Variants in CPOX observed in about 807,000 individuals in gnomAD.
The protein encoded by CPOX is coproporphyrinogen oxidase.
A neutral mutation model predicts 48.9 loss-of-function variants in CPOX; 24 were observed. The observed-to-expected ratio is 0.49, with a 90% CI of 0.36 to 0.69. The LOEUF is 0.69. CPOX is among the 30% of genes least tolerant of loss of function. CPOX has a pLI of 0.00. For missense variants in CPOX, 549 were observed against 597.3 expected (o/e 0.92, Z 0.84); for synonymous variants, 249 against 234.6 (o/e 1.06, Z -0.56).
rs1707219701 is a variant in CPOX at position 98,579,938 on chromosome 3, T to C, written c.*745A>G. The C allele has an allele frequency of 3.0e-6, 3 of 985,712 alleles. No individual in the cohort carries two copies. The South Asian group carries it at 1.4e-4, about 46-fold the overall frequency. 61.1% of individuals were successfully genotyped at this position (985,712 alleles called of 1,614,324 possible). A position where few individuals can be genotyped will look rare whatever the true frequency, so the allele number is the denominator to read the frequency against. ...AATAGAAAACTCTTAAGTATCAGAA[T>C]TCAGGGATATAAGCTTTCACATTCA... On this transcript the variant is annotated 3_prime_UTR_variant, in exon 7 of 7. Coordinates refer to ENST00000647941, the MANE Select transcript of CPOX (RefSeq NM_000097.7).
intron 4 of CPOX, among the ~76,000 whole-genome samples, chr3:98,587,544 G>C (rs984371664): frequency 6.7e-6 from 1 of 149,522 alleles, no homozygotes; most frequent in Admixed American, 6.7e-5. Context: ...TCACATGGTG[G>C]GGGGCTGAAC....
chr3:98,584,728 C>T (rs531893471), intron 5 of CPOX, among the ~76,000 whole-genome samples: 4 of 152,138 alleles, frequency 2.6e-5, no homozygotes, highest in African/African-American at 2.4e-5. Context: ...ACAAGTACAC[C>T]GTGGCTGGAG....
downstream of CPOX, among the ~76,000 whole-genome samples, chr3:98,577,541 C>T (rs1365843864): frequency 1.3e-5 from 2 of 152,148 alleles, no homozygotes; most frequent in Admixed American, 6.5e-5. Flanking sequence ...CAATCTATTT[C>T]GTGGTTTTGA....
downstream of CPOX, among the ~76,000 whole-genome samples, chr3:98,577,371 G>C (rs1707178324): frequency 6.6e-6 from 1 of 152,178 alleles, no homozygotes; most frequent in South Asian, 2.1e-4. Context: ...AGAGGGAAAG[G>C]TCAGAGTGCC....
rs1381789103 is a variant in CPOX at position 98,593,059 on chromosome 3, T to G, written c.446A>C (p.Lys149Thr). 6.2e-7 allele frequency: 1 copy of G among 1,613,956 alleles called. No individual in the cohort carries two copies. Among genetic ancestry groups the G allele is most frequent in the South Asian group, 1.1e-5 (1 of 91,018 alleles). Residue 149 changes from lysine to threonine, a missense_variant, in exon 1 of 7, where the codon AAG becomes ACG. Physicochemically the swap from Lys to Thr is moderately conservative, Grantham distance 78. Transcript: ENST00000647941. ...CAGAATCAGCAGCTCCATCTTGGTCTTCATGTCGCCCGGCCTCCTTCGCAG... is the reference window on the plus strand; with the variant it reads ...CAGAATCAGCAGCTCCATCTTGGTCGTCATGTCGCCCGGCCTCCTTCGCAG... ...GELRRRPGDM[K>T]TKMELLILET...
At chr3:98,592,530 C>T (rs1707499944) in intron 1 of CPOX, among the ~76,000 whole-genome samples, 1 of 152,202 alleles carries the variant, frequency 6.6e-6, no homozygotes, top group South Asian at 2.1e-4. Context: ...ACTTAGCGCA[C>T]AGGAGATGAG....
At chr3:98,592,258 C>T (rs1021836437) in intron 1 of CPOX, among the ~76,000 whole-genome samples, 1 of 152,090 alleles carries the variant, frequency 6.6e-6, no homozygotes, top group Non-Finnish European at 1.5e-5. Flanking sequence ...TAGGAAAAGT[C>T]AGGAATCTTT....
intron 3 of CPOX, 82 bp from the exon 4 acceptor site, chr3:98,588,936 G>C: frequency 6.6e-7 from 1 of 1,509,118 alleles, no homozygotes; most frequent in Non-Finnish European, 9.2e-7. Context: ...TAATTTAGCA[G>C]CTTAATTTTT....
Position 98,581,417 on chromosome 3 carries a change from G to C in CPOX, c.1267C>G (p.Leu423Val). The change falls in exon 6 of 7, where the codon CTA becomes GTA. Residue 423 changes from leucine (L) to valine (V), a missense_variant. Coordinates refer to ENST00000647941, the MANE Select transcript of CPOX (RefSeq NM_000097.7). Reference sequence around the variant, plus strand: ...GAGTTATCTCCTTACCGGGCAGTTAGAGGTAAAGACATCAAGATACTTTCA... The same window carrying C: ...GAGTTATCTCCTTACCGGGCAGTTACAGGTAAAGACATCAAGATACTTTCA... ...RIESILMSLP[L>V]TARWEYMHSP... 1.9e-6 allele frequency: 3 copies of C among 1,612,378 alleles called. No individual in the cohort carries two copies. The highest frequency in any genetic ancestry group is 2.5e-6 in the Non-Finnish European group (3 of 1,178,542).
rs748689798 is a variant in CPOX, at chr3:98,580,624, T to C, written c.*59A>G. The C allele has an allele frequency of 7.5e-6, 12 of 1,608,676 alleles. No homozygotes were observed. The highest frequency in any genetic ancestry group is 1.0e-5 in the Non-Finnish European group (12 of 1,177,710). ...CACACAGTGGCAAAGTGCCGACCAG[T>C]GGCATGGGGAGCACACATCGTGTGC... On this transcript the variant is annotated 3_prime_UTR_variant, in exon 7 of 7. Coordinates refer to ENST00000647941, the MANE Select transcript of CPOX (RefSeq NM_000097.7).
At chr3:98,572,453 G>A in the CPOX span, among the ~76,000 whole-genome samples, 1 of 152,032 alleles carries the variant, frequency 6.6e-6, no homozygotes, top group East Asian at 1.9e-4. Flanking sequence ...GGTCCCACTT[G>A]AAATATTTTA....
chr3:98,590,683 C>A lies in CPOX; in HGVS notation c.760G>T (p.Ala254Ser), dbSNP rs143353671. ...CTGTAGTTGAAATGGATAGTAGGAG[C>A]ATGAGGATTCTTGGGGTGGATAACA... ...SSVIHPKNPH[A>S]PTIHFNYRYF... The change falls in exon 3 of 7, where the codon GCT (alanine) becomes TCT (serine). Residue 254 changes from alanine to serine, a missense_variant. Around this residue, in one of 2 missense-constraint regions of CPOX, gnomAD observed 213 missense variants for 279.1 expected, o/e 0.76. Transcript: ENST00000647941. The A allele has an allele frequency of 1.2e-6, 2 of 1,614,088 alleles. No homozygotes were observed. Among genetic ancestry groups the A allele is most frequent in the Admixed American group, 1.7e-5 (1 of 60,022 alleles).
chr3:98,580,515 C>G lies in CPOX; in HGVS notation c.*168G>C. On this transcript the variant is annotated 3_prime_UTR_variant, in exon 7 of 7. Coordinates refer to ENST00000647941, the MANE Select transcript of CPOX (RefSeq NM_000097.7). Reference sequence around the variant, plus strand: ...TCTGACAATCTGCCATCTCACCATTCATCACTGACAGCATCCAAAACATGT... The same window carrying G: ...TCTGACAATCTGCCATCTCACCATTGATCACTGACAGCATCCAAAACATGT... 1 of 1,464,888 alleles carries G rather than the reference C, an allele frequency of 6.8e-7. No individual in the cohort carries two copies. Among genetic ancestry groups the G allele is most frequent in the Non-Finnish European group, 9.0e-7 (1 of 1,109,932 alleles). The allele number at this position is 1,464,888 out of a possible 1,614,324, so 90.7% of individuals were successfully genotyped here.
At chr3:98,590,763 C>T in intron 2 of CPOX, 21 bp from the exon 3 acceptor site, 1 of 1,532,836 alleles carries the variant, frequency 6.5e-7, no homozygotes, top group Non-Finnish European at 9.0e-7. Flanking sequence ...AAATATGAGT[C>T]ATGAGCTATA....
At chr3:98,570,988 A>G in the CPOX span, among the ~76,000 whole-genome samples, 8 of 152,126 alleles carry the variant, frequency 5.3e-5, no homozygotes, top group African/African-American at 1.9e-4. Flanking sequence ...TTTTATCTTC[A>G]CTCAATGTCT....
chr3:98,571,874 G>A, the CPOX span, among the ~76,000 whole-genome samples: 1 of 151,896 alleles, frequency 6.6e-6, no homozygotes, highest in African/African-American at 2.4e-5. Context: ...GGAGTTTTTA[G>A]TTTTTTATTT....
At chr3:98,579,285 G>A (rs906291457), downstream of CPOX, among the ~76,000 whole-genome samples, 3 of 152,214 alleles carry the variant, frequency 2.0e-5, no homozygotes, top group African/African-American at 7.2e-5. Flanking sequence ...GGCTATTAGT[G>A]ATTAAGTTTT....
chr3:98,588,932 A>G (rs1421178569), intron 3 of CPOX, 78 bp from the exon 4 acceptor site: 8 of 1,530,890 alleles, frequency 5.2e-6, no homozygotes, highest in Non-Finnish European at 7.2e-6. Context: ...CACTTAATTT[A>G]GCAGCTTAAT....
At chr3:98,592,829 T>G in intron 1 of CPOX, 120 bp downstream of exon 1, 1 of 1,129,240 alleles carries the variant, frequency 8.9e-7, no homozygotes, top group African/African-American at 1.5e-5. Context: ...AAGCGGCCTC[T>G]CTGTGGGTAC....
Sources: gnomAD v4.1 joint callset for allele counts (sites outside exome capture counted in the v4.1 genomes callset) on GRCh38, gnomAD v4.1.1 for gene constraint, gnomAD v4.1.1 regional missense constraint, MANE v1.5 for transcripts, NCBI Gene and HGNC (gene_info 2026-07-23, HGNC 2026-07-21) for gene names.